PRKN: variants seen among roughly 807,000 people sequenced by gnomAD.
PRKN encodes the protein parkin RBR E3 ubiquitin protein ligase.
Under a neutral mutation model 59.5 loss-of-function variants are expected in PRKN, and 56 were observed. That is an observed-to-expected ratio of 0.94 (90% CI 0.76 to 1.18). The LOEUF is 1.18. Ranked by LOEUF, PRKN falls within the 50% of genes most tolerant of loss-of-function variation. PRKN has a pLI of 0.00. For synonymous variants in PRKN, 250 were observed against 222.1 expected, an observed-to-expected ratio of 1.13 and a Z score of -1.12; for missense variants, 657 against 596.4, an observed-to-expected ratio of 1.10 and a Z score of -1.06.
intron 4 of PRKN, among the ~76,000 whole-genome samples, chr6:162,101,166 G>A (rs149263059): frequency 5.3e-5 from 8 of 151,986 alleles, no homozygotes; most frequent in African/African-American, 1.2e-4. Flanking sequence ...TCAATACCAC[G>A]CAGCTTTTCC....
chr6:162,610,071 C>T (rs921951084), intron 1 of PRKN, among the ~76,000 whole-genome samples: 1 of 151,982 alleles, frequency 6.6e-6, no homozygotes, highest in Non-Finnish European at 1.5e-5. Context: ...AGAAAGAACG[C>T]TCTTACAACA....
chr6:162,022,903 T>A (rs117997243), intron 5 of PRKN, among the ~76,000 whole-genome samples: 1 of 152,202 alleles, frequency 6.6e-6, no homozygotes, highest in Non-Finnish European at 1.5e-5. Flanking sequence ...GCACCAATTA[T>A]TCAATAGGGT....
In PRKN at chr6:161,544,604, G is replaced by C. The variant is rs1408527672; in HGVS notation, c.1083+4250C>G. On this transcript the variant is annotated intron_variant, in intron 9 of 11. Transcript: ENST00000366898. This position sits in a 1 kb window ranked among gnomAD's most constrained non-coding sequence, Gnocchi z 5.5. ...CACCAAGAAGAATGAAAAGGCTTAG[G>C]ACAGGAATATAAAGACAGGAAACCA... Among the ~76,000 whole-genome samples the C allele has an allele frequency of 1.3e-5, 2 of 152,034 alleles. No individual in the cohort carries two copies. Among genetic ancestry groups the C allele is most frequent in the Admixed American group, 1.3e-4 (2 of 15,266 alleles).
chr6:161,657,962 G>C (rs1013678208), intron 7 of PRKN, among the ~76,000 whole-genome samples: 2 of 133,516 alleles, frequency 1.5e-5, no homozygotes, highest in Admixed American at 1.6e-4. Flanking sequence ...GTTGCAGTGA[G>C]TGAAGATTGC....
At chr6:162,679,286 TAG>T (rs1779680285) in intron 1 of PRKN, among the ~76,000 whole-genome samples, 1 of 151,512 alleles carries the variant, frequency 6.6e-6, no homozygotes, top group South Asian at 2.1e-4. Context: ...GTACTTTTAG[TAG>T]AGATGGGATT....
intron 9 of PRKN, among the ~76,000 whole-genome samples, chr6:161,505,817 T>G (rs1327292541): frequency 1.4e-4 from 19 of 134,244 alleles, no homozygotes; most frequent in Non-Finnish European, 2.4e-4. Context: ...CTCAGGTTTG[T>G]CAAAGATCAG....
At chr6:162,206,996 C>A (rs924549537) in intron 3 of PRKN, among the ~76,000 whole-genome samples, 1 of 152,164 alleles carries the variant, frequency 6.6e-6, no homozygotes, top group Non-Finnish European at 1.5e-5. Flanking sequence ...CAGAAATAGT[C>A]CAAAGTGGTT....
At chr6:162,153,481 G>T (rs1003524621) in intron 4 of PRKN, among the ~76,000 whole-genome samples, 1 of 152,126 alleles carries the variant, frequency 6.6e-6, no homozygotes, top group African/African-American at 2.4e-5. Context: ...TCAGTTCAGC[G>T]GGCCCTTTGC....
intron 7 of PRKN, among the ~76,000 whole-genome samples, chr6:161,573,787 T>C (rs1162808226): frequency 1.0e-5 from 1 of 97,024 alleles, no homozygotes; most frequent in African/African-American, 4.0e-5. Flanking sequence ...TATATATATA[T>C]ATATATATAA....
In PRKN at chr6:161,518,784, C is replaced by A. The variant is rs898276962; in HGVS notation, c.1083+30070G>T. Among the ~76,000 whole-genome samples the A allele has an allele frequency of 5.9e-5, 9 of 152,126 alleles. No individual in the cohort carries two copies. The highest frequency in any genetic ancestry group is 1.2e-4 in the Non-Finnish European group (8 of 68,030). On this transcript the variant is annotated intron_variant, in intron 9 of 11. Coordinates refer to ENST00000366898, the MANE Select transcript of PRKN (RefSeq NM_004562.3). The surrounding 1 kb of genome is among the most constrained non-coding windows in gnomAD (Gnocchi z 5.0). Reference sequence around the variant, plus strand: ...TGCATCCCATCCACCTCTAGCAGCCCCTGGCAGCTGCCTTGCACAGAAGAG... The same window carrying A: ...TGCATCCCATCCACCTCTAGCAGCCACTGGCAGCTGCCTTGCACAGAAGAG...
chr6:162,573,593 G>A (rs1355969276), intron 1 of PRKN, among the ~76,000 whole-genome samples: 1 of 152,064 alleles, frequency 6.6e-6, no homozygotes, highest in Non-Finnish European at 1.5e-5. Flanking sequence ...GGTCATATAT[G>A]CTTTTGCTAG....
intron 1 of PRKN, among the ~76,000 whole-genome samples, chr6:162,497,312 T>C (rs935384977): frequency 2.0e-5 from 3 of 152,304 alleles, no homozygotes; most frequent in Middle Eastern, 3.4e-3. Flanking sequence ...TTATTTTAAG[T>C]AACTAAACTT....
At chr6:162,285,306 G>A (rs192412209) in intron 2 of PRKN, among the ~76,000 whole-genome samples, 17 of 129,152 alleles carry the variant, frequency 1.3e-4, no homozygotes, top group Non-Finnish European at 1.7e-4. Context: ...GAGGGCCTCT[G>A]GCATATACTC....
chr6:162,194,616 A>G (rs972077966), intron 4 of PRKN, among the ~76,000 whole-genome samples: 10 of 152,194 alleles, frequency 6.6e-5, no homozygotes, highest in Admixed American at 6.5e-4. Context: ...TGCAAATTCT[A>G]AATGTAAACT....
At chr6:161,704,165 C>A (rs1285444122) in intron 7 of PRKN, among the ~76,000 whole-genome samples, 1 of 152,076 alleles carries the variant, frequency 6.6e-6, no homozygotes, top group African/African-American at 2.4e-5. Context: ...CGAGGACATG[C>A]ATCTTTGTTT....
At chr6:162,492,078 C>T (rs979129753) in intron 1 of PRKN, among the ~76,000 whole-genome samples, 2 of 152,052 alleles carry the variant, frequency 1.3e-5, no homozygotes, top group Non-Finnish European at 2.9e-5. Flanking sequence ...CGGCCTCATG[C>T]CCTCATGCCC....
chr6:162,426,722 C>T (rs967406683), intron 2 of PRKN, among the ~76,000 whole-genome samples: 1 of 152,222 alleles, frequency 6.6e-6, no homozygotes, highest in Non-Finnish European at 1.5e-5. Context: ...GCTGGGATTA[C>T]AGGCATGAGC....
intron 6 of PRKN, among the ~76,000 whole-genome samples, chr6:161,959,988 C>T (rs1393057340): frequency 1.3e-5 from 2 of 152,174 alleles, no homozygotes; most frequent in African/African-American, 4.8e-5. Context: ...ACAACCTGCA[C>T]ACCTACAGAC....
At chr6:161,977,914 T>TG (rs1162867495) in intron 5 of PRKN, among the ~76,000 whole-genome samples, 1 of 152,172 alleles carries the variant, frequency 6.6e-6, no homozygotes, top group Non-Finnish European at 1.5e-5. Flanking sequence ...CAGAACAAGT[T>TG]GGTGTCTCCC....
Sources: allele counts gnomAD v4.1 joint callset (sites outside exome capture counted in the v4.1 genomes callset), GRCh38; gene constraint gnomAD v4.1.1; non-coding constraint Gnocchi (gnomAD v3.1); transcripts MANE v1.5; gene names NCBI Gene and HGNC (gene_info 2026-07-23, HGNC 2026-07-21).